PLAGL1: variants seen among roughly 807,000 people sequenced by gnomAD.
PLAGL1 encodes zinc finger protein PLAGL1.
A neutral mutation model predicts 4.6 loss-of-function variants in PLAGL1; 1 was observed. The ratio of observed to expected loss-of-function variants is 0.22; its 90% CI spans 0.08 to 1.03. The LOEUF (loss-of-function observed/expected upper bound fraction) is 1.03, where lower values mean the gene tolerates loss of function less well. Among genes scored for constraint, PLAGL1 ranks in the 50% least tolerant of loss-of-function variants. PLAGL1 has a pLI of 0.58. For synonymous variants in PLAGL1, 240 were observed against 237.8 expected (o/e 1.01, Z -0.08); for missense variants, 464 against 570.4 (o/e 0.81, Z 1.90).
At position 143,996,208 on chromosome 6, in the gene PLAGL1, G is replaced by A. The variant is rs558929675; in HGVS notation, c.-583-11034C>T. 4.6e-4 allele frequency among the ~76,000 whole-genome samples: 70 copies of A among 152,320 alleles called. 1 individual carries two copies. Among genetic ancestry groups the A allele is most frequent in the South Asian group, 2.5e-3 (12 of 4,824 alleles). On this transcript the variant is annotated intron_variant, in intron 1 of 7. Transcript: ENST00000674357. Reference sequence around the variant, plus strand: ...ACATTTCTCTCACTAGGAAGTAGCTGACCCCATTACTACAGGGCACGCTTC... The same window carrying A: ...ACATTTCTCTCACTAGGAAGTAGCTAACCCCATTACTACAGGGCACGCTTC...
In PLAGL1 at chr6:144,050,483, T is replaced by G. The variant is rs1798500233; in HGVS notation, c.-151+13985A>C. On this transcript the variant is annotated intron_variant, in intron 1 of 3. Transcript: ENST00000437412. The surrounding 1 kb of genome is among the most constrained non-coding windows in gnomAD (Gnocchi z 4.3). ...TGAGGAGAGAAAGATTCTTCTACAC[T>G]CTTTTAAGGCTGTCTCTTCTCTATG... 6.6e-6 allele frequency among the ~76,000 whole-genome samples: 1 copy of G among 152,224 alleles called. No individual in the cohort carries two copies. Among genetic ancestry groups the G allele is most frequent in the African/African-American group, 2.4e-5 (1 of 41,462 alleles).
chr6:143,946,963 T>C (rs1191109418), intron 7 of PLAGL1, among the ~76,000 whole-genome samples: 1 of 152,096 alleles, frequency 6.6e-6, no homozygotes, highest in Non-Finnish European at 1.5e-5. Context: ...GTACATGGAG[T>C]CTTTCCTGTG....
chr6:143,941,765 G>T lies in PLAGL1; in HGVS notation c.1051C>A (p.Leu351Met). 5 of 1,614,232 alleles carry T rather than the reference G, an allele frequency of 3.1e-6. No homozygotes were observed. The highest frequency in any genetic ancestry group is 4.2e-6 in the Non-Finnish European group (5 of 1,180,040). The change falls in exon 8 of 8, where the codon CTG (leucine) becomes ATG (methionine). Residue 351 changes from leucine to methionine, a missense_variant. Physicochemically the swap from Leu to Met is conservative, Grantham distance 15. Transcript: ENST00000674357. This position sits in a 1 kb window ranked among gnomAD's most constrained non-coding sequence, Gnocchi z 6.0. ...SPQKLNPGFD[L>M]AKGNAGKVNL... is the part of the protein sequence containing the mutation. ...ACTTTACCAGCATTTCCCTTAGCCA[G>T]ATCAAAACCTGGGTTGAGCTTTTGA...
At position 143,950,038 on chromosome 6, in the gene PLAGL1, G is replaced by GT. The variant is rs1554252255; in HGVS notation, c.-324-1579dup. Among the ~76,000 whole-genome samples, 3 of 152,142 alleles carry GT rather than the reference G, an allele frequency of 2.0e-5. No individual in the cohort carries two copies. The highest frequency in any genetic ancestry group is 2.9e-5 in the Non-Finnish European group (2 of 68,030). On this transcript the variant is annotated intron_variant, in intron 6 of 7. Coordinates refer to ENST00000674357, the MANE Select transcript of PLAGL1 (RefSeq NM_001317162.2). This position sits in a 1 kb window ranked among gnomAD's most constrained non-coding sequence, Gnocchi z 6.3. Reference sequence around the variant, plus strand: ...AAACTTGTAGAGTTCCTCATCTTCTGTTGTAGATGTTTTCAGTGTCTGGAC... The same window carrying GT: ...AAACTTGTAGAGTTCCTCATCTTCTGTTTGTAGATGTTTTCAGTGTCTGGAC...
At chr6:143,969,982 C>G (rs555717650) in intron 2 of PLAGL1, among the ~76,000 whole-genome samples, 1 of 152,246 alleles carries the variant, frequency 6.6e-6, no homozygotes, top group African/African-American at 2.4e-5. Context: ...GGAAATATAG[C>G]TTTCAGTGAA....
chr6:143,982,710 C>A lies in PLAGL1; in HGVS notation c.-544+2425G>T, dbSNP rs1047972763. Reference sequence around the variant, plus strand: ...AGGTGGGGCTGACAGTATCTCCTGACAGCTGAATGTGTAGAGGGTGAGAGA... The same window carrying A: ...AGGTGGGGCTGACAGTATCTCCTGAAAGCTGAATGTGTAGAGGGTGAGAGA... On this transcript the variant is annotated intron_variant, in intron 2 of 7. Coordinates refer to ENST00000674357, the MANE Select transcript of PLAGL1 (RefSeq NM_001317162.2). The surrounding 1 kb of genome is among the most constrained non-coding windows in gnomAD (Gnocchi z 5.3). Among the ~76,000 whole-genome samples the A allele has an allele frequency of 3.3e-5, 5 of 152,074 alleles. No homozygotes were observed. The highest frequency in any genetic ancestry group is 5.9e-5 in the Non-Finnish European group (4 of 68,000).
intron 1 of PLAGL1, among the ~76,000 whole-genome samples, chr6:143,991,510 C>A (rs1273876400): frequency 6.6e-6 from 1 of 152,174 alleles, no homozygotes; most frequent in Non-Finnish European, 1.5e-5. Context: ...ATGTGCTTAT[C>A]CCATAACCTG....
Position 143,947,316 on chromosome 6 carries a change from A to T in PLAGL1, c.152+669T>A, listed in dbSNP as rs1779999184. 1.3e-5 allele frequency among the ~76,000 whole-genome samples: 2 copies of T among 152,082 alleles called. No homozygotes were observed. The highest frequency in any genetic ancestry group is 4.8e-5 in the African/African-American group (2 of 41,410). On this transcript the variant is annotated intron_variant, in intron 7 of 7. Transcript: ENST00000674357. The surrounding 1 kb of genome is among the most constrained non-coding windows in gnomAD (Gnocchi z 4.3). The stretch of plus-strand genomic sequence containing the variant: ...ATCAGCCCCCACATTTCATCCCTGG[A>T]CTCTGAGAGCAGGTTTCAAATCAGC...
rs1787486527 is a variant in PLAGL1, at chr6:143,979,714, T to C, written c.-544+5421A>G. Among the ~76,000 whole-genome samples the C allele has an allele frequency of 6.6e-6, 1 of 152,092 alleles. No homozygotes were observed. Among genetic ancestry groups the C allele is most frequent in the Non-Finnish European group, 1.5e-5 (1 of 67,934 alleles). On this transcript the variant is annotated intron_variant, in intron 2 of 7. Transcript: ENST00000674357. The surrounding 1 kb of genome is among the most constrained non-coding windows in gnomAD (Gnocchi z 4.6). ...ACCATCTTTTAAAAAATATTAATAA[T>C]AATCATCATCGTATGTATTTATTTA...
At position 144,015,077 on chromosome 6, in the gene PLAGL1, A is replaced by C. The variant is rs573848367; in HGVS notation, c.-150-46099T>G. Among the ~76,000 whole-genome samples, 2 of 152,380 alleles carry C rather than the reference A, an allele frequency of 1.3e-5. No individual in the cohort carries two copies. Among genetic ancestry groups the C allele is most frequent in the South Asian group, 4.1e-4 (2 of 4,834 alleles). ...TAAAACTTCTGGAATCACCTTGTTC[A>C]ATACAGTACCCATAAGCCATGTATG... On this transcript the variant is annotated intron_variant, in intron 1 of 3. Coordinates refer to the PLAGL1 transcript ENST00000437412. The surrounding 1 kb of genome is among the most constrained non-coding windows in gnomAD (Gnocchi z 4.3).
At position 143,948,013 on chromosome 6, in the gene PLAGL1, C is replaced by G. The variant is rs371685096; in HGVS notation, c.124G>C (p.Ala42Pro). The change falls in exon 7 of 8, where the codon GCC (alanine) becomes CCC (proline). Residue 42 changes from alanine to proline, a missense_variant. Around this residue, in one of 4 missense-constraint regions of PLAGL1, gnomAD observed 161 missense variants for 196.7 expected, o/e 0.82. Transcript: ENST00000674357. The surrounding 1 kb of genome is among the most constrained non-coding windows in gnomAD (Gnocchi z 6.0). ...YKCVQPDCGKAFVSRYKLMRH... is the reference protein window; with the variant it reads ...YKCVQPDCGKPFVSRYKLMRH... ...ATCAATTTATATCTGGAAACAAAGG[C>G]TTTGCCACAGTCAGGCTGCACACAC... 1 of 1,614,142 alleles carries G rather than the reference C, an allele frequency of 6.2e-7. No individual in the cohort carries two copies. The highest frequency in any genetic ancestry group is 2.2e-5 in the East Asian group (1 of 44,880).
intron 1 of PLAGL1, among the ~76,000 whole-genome samples, chr6:144,041,355 C>T (rs188109909): frequency 9.9e-4 from 151 of 152,114 alleles, no homozygotes; most frequent in African/African-American, 3.5e-3. Flanking sequence ...ACACCAGGCC[C>T]CAGTGTATGA....
chr6:144,059,966 A>G lies in PLAGL1; in HGVS notation c.-151+4502T>C, dbSNP rs1799259853. 6.6e-6 allele frequency among the ~76,000 whole-genome samples: 1 copy of G among 152,146 alleles called. No individual in the cohort carries two copies. The stretch of plus-strand genomic sequence containing the variant: ...AAAGGTCATTTCCCCCCATCTAGCA[A>G]GAGCAAGTCCTCCTTACTCCTCCAC... On this transcript the variant is annotated intron_variant, in intron 1 of 3. Transcript: ENST00000437412. This position sits in a 1 kb window ranked among gnomAD's most constrained non-coding sequence, Gnocchi z 4.9.
intron 7 of PLAGL1, among the ~76,000 whole-genome samples, chr6:143,946,045 C>CA (rs535957973): frequency 4.6e-5 from 7 of 151,982 alleles, no homozygotes; most frequent in African/African-American, 7.2e-5. Flanking sequence ...TCGGAACATG[C>CA]GGGGTACTGA....
intron 2 of PLAGL1, among the ~76,000 whole-genome samples, chr6:143,977,833 T>C (rs562309298): frequency 1.2e-3 from 185 of 152,164 alleles, no homozygotes; most frequent in Non-Finnish European, 1.5e-3. Context: ...TTGATTTCGT[T>C]TGTGTCACAC....
In PLAGL1 at chr6:144,036,788, G is replaced by A. The variant is rs1428824509; in HGVS notation, c.-151+27680C>T. ...CTAAGACAAGCAAGAAGGCAGACCT[G>A]CTAAATGCCCATTATGACACTATTT... On this transcript the variant is annotated intron_variant, in intron 1 of 3. Coordinates refer to the PLAGL1 transcript ENST00000437412. This position sits in a 1 kb window ranked among gnomAD's most constrained non-coding sequence, Gnocchi z 5.1. 1.2e-5 allele frequency: 4 copies of A among 339,436 alleles called. No homozygotes were observed. The highest frequency in any genetic ancestry group is 4.5e-5 in the African/African-American group (2 of 44,624). 21.0% of individuals were successfully genotyped at this position (339,436 alleles called of 1,614,324 possible).
At chr6:144,049,845 G>A (rs1159422455) in intron 1 of PLAGL1, among the ~76,000 whole-genome samples, 1 of 152,170 alleles carries the variant, frequency 6.6e-6, no homozygotes, top group Non-Finnish European at 1.5e-5. Context: ...ATACTTAGAA[G>A]GTGGCTCCAA....
intron 2 of PLAGL1, among the ~76,000 whole-genome samples, chr6:143,977,542 C>T (rs1194960116): frequency 2.2e-5 from 3 of 134,282 alleles, no homozygotes; most frequent in Non-Finnish European, 3.1e-5. Flanking sequence ...AGGGCAATCT[C>T]GGCTCACTGT....
At chr6:144,047,228 G>C (rs1307411868) in intron 1 of PLAGL1, among the ~76,000 whole-genome samples, 1 of 152,186 alleles carries the variant, frequency 6.6e-6, no homozygotes, top group East Asian at 1.9e-4. Flanking sequence ...GTCCCAGTGA[G>C]ATGAACCAGG....
Sources: gnomAD v4.1 joint callset for allele counts (sites outside exome capture counted in the v4.1 genomes callset) on GRCh38, gnomAD v4.1.1 for gene constraint, gnomAD v4.1.1 regional missense constraint, Gnocchi (gnomAD v3.1) non-coding constraint, MANE v1.5 for transcripts, NCBI Gene and HGNC (gene_info 2026-07-23, HGNC 2026-07-21) for gene names.